Variants in WSCD1 observed in about 807,000 individuals in gnomAD.
WSCD1 encodes the protein WSC domain sialate O sulfotransferase 1.
WSCD1 carries 41 observed loss-of-function variants against 60.4 expected under a neutral mutation model. The observed-to-expected ratio is 0.68, with a 90% CI of 0.53 to 0.88. The LOEUF is 0.88. Among genes scored for constraint, WSCD1 ranks in the 40% least tolerant of loss-of-function variants. The pLI is 0.00. For missense variants in WSCD1, 784 were observed against 796.2 expected, an observed-to-expected ratio of 0.98 and a Z score of 0.18; for synonymous variants, 361 against 332.5, an observed-to-expected ratio of 1.09 and a Z score of -0.93.
Position 6,088,777 on chromosome 17 carries a change from T to A in WSCD1, c.542+673T>A, listed in dbSNP as rs1174647911. ...CTCTTCACTTATTTCTCCCACAGATTTTTTTCACCTTTTTTTTTTTTTTGA... is the reference window on the plus strand; with the variant it reads ...CTCTTCACTTATTTCTCCCACAGATATTTTTCACCTTTTTTTTTTTTTTGA... On this transcript the variant is annotated intron_variant, in intron 3 of 8. Coordinates refer to ENST00000317744, the MANE Select transcript of WSCD1 (RefSeq NM_015253.2). 2.3e-5 allele frequency among the ~76,000 whole-genome samples: 3 copies of A among 128,200 alleles called. No homozygotes were observed. The Admixed American group carries it at 3.0e-4, about 13-fold the overall frequency. The allele number at this position is 128,200 out of a possible 152,430, so 84.1% of individuals were successfully genotyped here.
At chr17:6,073,802 G>A (rs975686917) in intron 1 of WSCD1, among the ~76,000 whole-genome samples, 2 of 152,236 alleles carry the variant, frequency 1.3e-5, no homozygotes, top group Non-Finnish European at 2.9e-5. Flanking sequence ...ATGGTGCTTG[G>A]AAGGATCTCT....
chr17:6,118,019 C>T lies in WSCD1; in HGVS notation c.1206C>T (p.Ser402=). ...AGGGCGAAAAGGACCACTGGCGGAG[C>T]CGACGCACCATCTGTGTCAAAACCC... ...GFKGEKDHWR[S]RRTICVKTHE... is the part of the protein sequence containing the mutation. Residue 402 remains serine (S), a synonymous_variant, in exon 8 of 9, where the codon AGC becomes AGT. Coordinates refer to ENST00000317744, the MANE Select transcript of WSCD1 (RefSeq NM_015253.2). The surrounding 1 kb of genome is among the most constrained non-coding windows in gnomAD (Gnocchi z 5.8). The T allele has an allele frequency of 1.4e-5, 23 of 1,614,062 alleles. No individual in the cohort carries two copies. Among genetic ancestry groups the T allele is most frequent in the Non-Finnish European group, 1.9e-5 (22 of 1,180,034 alleles).
intron 5 of WSCD1, among the ~76,000 whole-genome samples, chr17:6,108,096 C>T (rs1027700886): frequency 3.3e-5 from 5 of 152,104 alleles, no homozygotes; most frequent in Non-Finnish European, 7.4e-5. Flanking sequence ...GGGGCAACCT[C>T]CAACAGCATT....
At chr17:6,094,019 T>G (rs1334959841) in intron 4 of WSCD1, among the ~76,000 whole-genome samples, 1 of 152,184 alleles carries the variant, frequency 6.6e-6, no homozygotes, top group African/African-American at 2.4e-5. Context: ...GTAAAAGGGT[T>G]TCTGTTTGCA....
At chr17:6,069,774 GGTGT>G (rs746125445), upstream of WSCD1, among the ~76,000 whole-genome samples, 162 of 106,580 alleles carry the variant, frequency 1.5e-3, no homozygotes, top group Middle Eastern at 0.012. Flanking sequence ...ACGGTGATCC[GGTGT>G]GTGTGTGTGT....
chr17:6,088,316 CTGGGTGACCGCCTGGGTGCTGGGAGT>C (rs1909794915), intron 3 of WSCD1, among the ~76,000 whole-genome samples: 1 of 151,838 alleles, frequency 6.6e-6, no homozygotes, highest in Non-Finnish European at 1.5e-5. Context: ...GTGCTGAGAG[CTGGGTGACCGCCTGGGTGCTGGGAGT>C]TGGGTGATGA....
chr17:6,119,844 T>C (rs745617095), intron 8 of WSCD1, among the ~76,000 whole-genome samples: 5 of 152,170 alleles, frequency 3.3e-5, no homozygotes, highest in Admixed American at 1.3e-4. Flanking sequence ...TGATTTCTGA[T>C]ATCTGGACCC....
intron 5 of WSCD1, 61 bp downstream of exon 5, chr17:6,095,284 A>AG: frequency 6.5e-7 from 1 of 1,546,054 alleles, no homozygotes; most frequent in African/African-American, 1.4e-5. Flanking sequence ...GTCCTGAGAG[A>AG]GGGGGGCACA....
chr17:6,080,568 G>C lies in WSCD1; in HGVS notation c.-91G>C, dbSNP rs1909164583. On this transcript the variant is annotated 5_prime_UTR_variant, in exon 2 of 9. Transcript: ENST00000317744. This position sits in a 1 kb window ranked among gnomAD's most constrained non-coding sequence, Gnocchi z 6.6. ...GCAGGTGCCAGGAGCCAGGATGCAA[G>C]GATGACGCCTCCGGAGGCCCTGGCC... The C allele has an allele frequency of 7.1e-7, 1 of 1,405,360 alleles. No homozygotes were observed. Among genetic ancestry groups the C allele is most frequent in the Non-Finnish European group, 9.8e-7 (1 of 1,018,204 alleles). The allele number at this position is 1,405,360 out of a possible 1,614,324, so 87.1% of individuals were successfully genotyped here.
intron 2 of WSCD1, among the ~76,000 whole-genome samples, chr17:6,087,149 G>C (rs571038554): frequency 2.0e-5 from 3 of 152,204 alleles, no homozygotes; most frequent in African/African-American, 4.8e-5. Flanking sequence ...ACACTGGTGC[G>C]CGTGACATTT....
In WSCD1 at chr17:6,088,077, C is replaced by G. The variant is rs530629079; in HGVS notation, c.515C>G (p.Ser172Cys). Residue 172 changes from serine (S) to cysteine (C), a missense_variant, in exon 3 of 9, where the codon TCC becomes TGC. By Grantham distance (112) the Ser-to-Cys change is moderately radical (BLOSUM62 -1). Transcript: ENST00000317744. ...TATGACTTGAGAAAGATGACTGTCTCCCACTGCCAGGATGCGTGTGCTGAG... is the reference window on the plus strand; with the variant it reads ...TATGACTTGAGAAAGATGACTGTCTGCCACTGCCAGGATGCGTGTGCTGAG... The part of the protein sequence containing the change: ...VFYDLRKMTV[S>C]HCQDACAERS... 2 of 1,614,174 alleles carry G rather than the reference C, an allele frequency of 1.2e-6. No homozygotes were observed. The highest frequency in any genetic ancestry group is 1.7e-4 in the Middle Eastern group (1 of 6,060).
At chr17:6,078,333 C>T (rs994491014) in intron 1 of WSCD1, among the ~76,000 whole-genome samples, 3 of 152,130 alleles carry the variant, frequency 2.0e-5, no homozygotes, top group African/African-American at 4.8e-5. Context: ...TGATCAACCC[C>T]GGGATGGTGA....
Position 6,080,643 on chromosome 17 carries a change from C to T in WSCD1, c.-16C>T, listed in dbSNP as rs1372826223. The stretch of plus-strand genomic sequence containing the variant: ...CCATCCCGGGGCTCCAGCCAGGAGC[C>T]CTGCTGCCCAGGGGCATGGCCAAAC... On this transcript the variant is annotated 5_prime_UTR_variant, in exon 2 of 9. Coordinates refer to ENST00000317744, the MANE Select transcript of WSCD1 (RefSeq NM_015253.2). The surrounding 1 kb of genome is among the most constrained non-coding windows in gnomAD (Gnocchi z 6.6). The T allele has an allele frequency of 3.6e-5, 58 of 1,612,194 alleles. No homozygotes were observed. Among genetic ancestry groups the T allele is most frequent in the Non-Finnish European group, 4.7e-5 (55 of 1,179,508 alleles).
chr17:6,101,704 C>T lies in WSCD1; in HGVS notation c.849+6481C>T, dbSNP rs182074759. ...ATGATCTTGTCTAATTTCCTGTGAT[C>T]GTATGGAGATGGAAAGAGACCTGCT... On this transcript the variant is annotated intron_variant, in intron 5 of 8. Transcript: ENST00000317744. The surrounding 1 kb of genome is among the most constrained non-coding windows in gnomAD (Gnocchi z 4.1). 2.8e-4 allele frequency among the ~76,000 whole-genome samples: 43 copies of T among 152,240 alleles called. No homozygotes were observed. The highest frequency in any genetic ancestry group is 6.8e-3 in the Middle Eastern group (2 of 294).
intron 1 of WSCD1, among the ~76,000 whole-genome samples, chr17:6,071,489 A>C (rs1567547119): frequency 6.6e-6 from 1 of 152,176 alleles, no homozygotes; most frequent in Non-Finnish European, 1.5e-5. Context: ...TGCTCCCCAC[A>C]CTGGCCCTGC....
chr17:6,093,540 C>T (rs919719216), intron 4 of WSCD1, among the ~76,000 whole-genome samples: 1 of 152,186 alleles, frequency 6.6e-6, no homozygotes, highest in East Asian at 1.9e-4. Flanking sequence ...TGTTCTATCC[C>T]CGTGGAGCTG....
upstream of WSCD1, among the ~76,000 whole-genome samples, chr17:6,069,788 TGTGTGTGTGTGTGC>T (rs905479177): frequency 1.1e-4 from 11 of 99,958 alleles, no homozygotes; most frequent in South Asian, 5.8e-4. Context: ...TGTGTGTGTG[TGTGTGTGTGTGTGC>T]GTGCGTGTGT....
At position 6,091,783 on chromosome 17, in the gene WSCD1, C is replaced by T. The variant is rs534524823; in HGVS notation, c.727+1278C>T. On this transcript the variant is annotated intron_variant, in intron 4 of 8. Transcript: ENST00000317744. ...GGCACAGCCCAGGGTCCAGGCTCAC[C>T]GCCTCTGGTCATGCCCTAGTAACAG... Among the ~76,000 whole-genome samples, 228 of 152,246 alleles carry T rather than the reference C, an allele frequency of 1.5e-3. 2 individuals are homozygous for T. The highest frequency in any genetic ancestry group is 5.1e-3 in the African/African-American group (212 of 41,552).
At position 6,120,541 on chromosome 17, in the gene WSCD1, C is replaced by T. The variant is rs539032032; in HGVS notation, c.1608C>T (p.His536=). The change falls in exon 9 of 9, where the codon CAC becomes CAT. Residue 536 remains histidine (H), a synonymous_variant. Coordinates refer to ENST00000317744, the MANE Select transcript of WSCD1 (RefSeq NM_015253.2). ...GSFRRRGRRS[H]DPEPFTPEMK... ...TCCGGCGGCGCGGCCGGCGCTCCCA[C>T]GACCCTGAGCCCTTCACCCCGGAGA... is the stretch of plus-strand genomic sequence containing the variant. 1.4e-5 allele frequency: 22 copies of T among 1,613,770 alleles called. No individual in the cohort carries two copies. Among genetic ancestry groups the T allele is most frequent in the Middle Eastern group, 1.6e-4 (1 of 6,062 alleles).
Sources: allele counts gnomAD v4.1 joint callset (sites outside exome capture counted in the v4.1 genomes callset), GRCh38; gene constraint gnomAD v4.1.1; non-coding constraint Gnocchi (gnomAD v3.1); transcripts MANE v1.5; gene names NCBI Gene and HGNC (gene_info 2026-07-23, HGNC 2026-07-21).